The following USH2A variants were observed in gnomAD, a reference collection of about 807,000 sequenced individuals.
The protein encoded by USH2A is Usher syndrome 2A (autosomal recessive, mild).
USH2A carries 443 observed loss-of-function variants against 538.9 expected under a neutral mutation model. The observed-to-expected ratio is 0.82, with a 90% CI of 0.76 to 0.89. The LOEUF (loss-of-function observed/expected upper bound fraction) is 0.89, where lower values mean the gene tolerates loss of function less well. Among genes scored for constraint, USH2A ranks in the 40% least tolerant of loss-of-function variants. The pLI is 0.00. For synonymous variants in USH2A, 2,413 were observed against 2,273.5 expected (o/e 1.06, Z -1.75); for missense variants, 6,633 against 6,324.8 (o/e 1.05, Z -1.65).
At chr1:215,672,717 T>G (rs1454170511) in intron 63 of USH2A, among the ~76,000 whole-genome samples, 2 of 152,268 alleles carry the variant, frequency 1.3e-5, no homozygotes, top group Admixed American at 1.3e-4. Flanking sequence ...TGAACATTAA[T>G]CCACTAAAAA....
intron 21 of USH2A, among the ~76,000 whole-genome samples, chr1:216,112,413 T>A (rs1269452770): frequency 6.6e-6 from 1 of 152,174 alleles, no homozygotes; most frequent in African/African-American, 2.4e-5. Flanking sequence ...AAAGAAGTGT[T>A]GAGAAATGAT....
chr1:215,778,384 C>T (rs568144190), intron 55 of USH2A, among the ~76,000 whole-genome samples: 3 of 152,238 alleles, frequency 2.0e-5, no homozygotes, highest in African/African-American at 7.2e-5. Flanking sequence ...AGCCCAGGAT[C>T]TTGAGGTAAG....
intron 44 of USH2A, among the ~76,000 whole-genome samples, chr1:215,859,301 G>A (rs571560491): frequency 1.3e-5 from 2 of 152,200 alleles, no homozygotes; most frequent in South Asian, 2.1e-4. Flanking sequence ...TTGGAAGGCC[G>A]AGGCGGGAGG....
At chr1:216,132,659 A>G (rs181680795) in intron 21 of USH2A, among the ~76,000 whole-genome samples, 58 of 152,232 alleles carry the variant, frequency 3.8e-4, no homozygotes, top group African/African-American at 1.2e-3. Flanking sequence ...GTTTTGGCTG[A>G]AGAAACTGAG....
At chr1:215,685,332 GTTT>G (rs10716020) in intron 61 of USH2A, among the ~76,000 whole-genome samples, 2 of 145,094 alleles carry the variant, frequency 1.4e-5, no homozygotes, top group African/African-American at 5.1e-5. Context: ...ATTCAAATCA[GTTT>G]TTTTTTTTTG....
chr1:215,706,614 C>T (rs917115784), intron 61 of USH2A, among the ~76,000 whole-genome samples: 2 of 152,046 alleles, frequency 1.3e-5, no homozygotes, highest in African/African-American at 2.4e-5. Flanking sequence ...ATTAAGCAGA[C>T]ATTTGGTGGC....
chr1:216,355,383 G>GAAAGAAAGAAAGAAAGAAAGAAAGAAAC (rs879931965), intron 4 of USH2A, among the ~76,000 whole-genome samples: 184 of 148,536 alleles, frequency 1.2e-3, no homozygotes, highest in South Asian at 2.1e-3. Context: ...AAGAAGGAAA[G>GAAAGAAAGAAAGAAAGAAAGAAAGAAAC]AAACATATAG....
At chr1:215,707,400 C>A (rs560235231) in intron 61 of USH2A, among the ~76,000 whole-genome samples, 18 of 152,238 alleles carry the variant, frequency 1.2e-4, no homozygotes, top group Admixed American at 2.0e-4. Flanking sequence ...TCTACTTTTT[C>A]TGAGCTAGAT....
At chr1:215,630,277 G>A (rs2102626775) in intron 70 of USH2A, 1 of 456,774 alleles carries the variant, frequency 2.2e-6, no homozygotes, top group Non-Finnish European at 4.4e-6. Context: ...ACAAATGGCA[G>A]CATCAGTCCA....
intron 47 of USH2A, among the ~76,000 whole-genome samples, chr1:215,825,517 C>T (rs991802438): frequency 3.9e-5 from 6 of 152,144 alleles, no homozygotes; most frequent in African/African-American, 1.4e-4. Context: ...TTTAACATTT[C>T]ATTCTAATAT....
chr1:215,830,106 T>G (rs12097312), intron 47 of USH2A, among the ~76,000 whole-genome samples: 2,184 of 152,130 alleles, frequency 0.014, 59 homozygotes, highest in African/African-American at 0.05. Context: ...AGTTTCCCAT[T>G]TTTTTTCCCC....
At position 216,258,654 on chromosome 1, in the gene USH2A, C is replaced by T. The variant is rs184916408; in HGVS notation, c.1972-7556G>A. Among the ~76,000 whole-genome samples, 308 of 152,154 alleles carry T rather than the reference C, an allele frequency of 2.0e-3. 10 individuals carry two copies. Among genetic ancestry groups the T allele is most frequent in the Admixed American group, 0.016 (251 of 15,262 alleles). ...TAGAAATACTCTGTAAGCAGTAATC[C>T]GGGTCAATTGTAAGATTCACATAAT... is the stretch of plus-strand genomic sequence containing the variant. On this transcript the variant is annotated intron_variant, in intron 11 of 71. Coordinates refer to ENST00000307340, the MANE Select transcript of USH2A (RefSeq NM_206933.4).
At chr1:216,005,699 G>T (rs561514154) in intron 32 of USH2A, among the ~76,000 whole-genome samples, 3 of 151,900 alleles carry the variant, frequency 2.0e-5, no homozygotes, top group African/African-American at 7.3e-5. Context: ...CATTAAATAC[G>T]AGAAAAAGGC....
At chr1:216,200,546 T>G (rs968190614) in intron 16 of USH2A, among the ~76,000 whole-genome samples, 3 of 152,196 alleles carry the variant, frequency 2.0e-5, no homozygotes, top group African/African-American at 7.2e-5. Context: ...GGCCAACATC[T>G]TGAATGGAAA....
intron 47 of USH2A, among the ~76,000 whole-genome samples, chr1:215,822,121 C>T (rs1038878868): frequency 2.0e-5 from 3 of 151,656 alleles, no homozygotes; most frequent in African/African-American, 7.3e-5. Flanking sequence ...TTTGTGGTTC[C>T]ATATAAATTT....
intron 40 of USH2A, among the ~76,000 whole-genome samples, chr1:215,899,737 C>T (rs532413308): frequency 2.6e-5 from 4 of 152,182 alleles, no homozygotes; most frequent in African/African-American, 7.2e-5. Flanking sequence ...AGAATTTCTC[C>T]GAAACAGAGA....
chr1:216,073,400 G>T, intron 27 of USH2A, 100 bp from the exon 28 acceptor site: 1 of 1,278,736 alleles, frequency 7.8e-7, no homozygotes, highest in South Asian at 1.3e-5. Context: ...GAAGGGGGGT[G>T]GTTAGATACA....
In USH2A at chr1:216,114,953, CATAG is replaced by C. The variant is rs922350039; in HGVS notation, c.4628-17744_4628-17741del. 2.4e-4 allele frequency among the ~76,000 whole-genome samples: 36 copies of C among 151,960 alleles called. 1 individual carries two copies. Among genetic ancestry groups the C allele is most frequent in the Non-Finnish European group, 4.4e-5 (3 of 68,012 alleles). ...CTATGGTTATTTAGATGTGTATTTTCATAGATATATATCTATCTGCATATAGATA... is the reference window on the plus strand; with the variant it reads ...CTATGGTTATTTAGATGTGTATTTTCATATATATCTATCTGCATATAGATA... On this transcript the variant is annotated intron_variant, in intron 21 of 71. Transcript: ENST00000307340.
At chr1:215,908,515 T>C (rs1665696231) in intron 38 of USH2A, among the ~76,000 whole-genome samples, 1 of 151,800 alleles carries the variant, frequency 6.6e-6, no homozygotes. Context: ...ATAAAACAAA[T>C]GAAGAAAACA....
Sources: allele counts gnomAD v4.1 joint callset (sites outside exome capture counted in the v4.1 genomes callset), GRCh38; gene constraint gnomAD v4.1.1; transcripts MANE v1.5; gene names NCBI Gene and HGNC (gene_info 2026-07-23, HGNC 2026-07-21).